ADAM10: variants seen among roughly 807,000 people sequenced by gnomAD.
ADAM10 encodes the protein ADAM metallopeptidase domain 10.
In ADAM10, 17 loss-of-function variants were observed where a neutral mutation model predicts 90.1. The observed-to-expected ratio is 0.19, with a 90% CI of 0.13 to 0.28. The LOEUF is 0.28. Ranked by LOEUF, ADAM10 falls within the 10% of genes least tolerant of loss-of-function variation. The pLI is 1.00. For missense variants in ADAM10, 610 were observed against 914.3 expected, an observed-to-expected ratio of 0.67 and a Z score of 4.29; for synonymous variants, 310 against 298.6, an observed-to-expected ratio of 1.04 and a Z score of -0.40.
At chr15:58,683,879 A>AAAAAG in intron 2 of ADAM10, among the ~76,000 whole-genome samples, 1 of 144,538 alleles carries the variant, frequency 6.9e-6, no homozygotes, top group African/African-American at 2.5e-5. Flanking sequence ...AAAAAAAAAA[A>AAAAAG]AAAAGAGAAG....
rs146042391 is a variant in ADAM10 at position 58,736,799 on chromosome 15, T to C, written c.55+12681A>G. Among the ~76,000 whole-genome samples, 6 of 152,172 alleles carry C rather than the reference T, an allele frequency of 3.9e-5. 1 individual carries two copies. The East Asian group carries it at 1.2e-3, about 29-fold the overall frequency. ...TATGTAAAACTGCCAGAAGAATAACTAGATTGGATCTACGAGATAGAGAAA... is the reference window on the plus strand; with the variant it reads ...TATGTAAAACTGCCAGAAGAATAACCAGATTGGATCTACGAGATAGAGAAA... On this transcript the variant is annotated intron_variant, in intron 1 of 15. Coordinates refer to ENST00000260408, the MANE Select transcript of ADAM10 (RefSeq NM_001110.4).
chr15:58,627,384 C>T (rs1427643618), intron 10 of ADAM10, among the ~76,000 whole-genome samples: 1 of 152,100 alleles, frequency 6.6e-6, no homozygotes, highest in East Asian at 1.9e-4. Flanking sequence ...TCAAATGATG[C>T]ACTTAAAATT....
chr15:58,666,164 A>G (rs1476496870), intron 4 of ADAM10, among the ~76,000 whole-genome samples: 1 of 151,332 alleles, frequency 6.6e-6, no homozygotes, highest in African/African-American at 2.4e-5. Flanking sequence ...GTCTATCACC[A>G]GATATTCTTT....
At chr15:58,655,708 ATAGTATATATAT>A (rs1896800536) in intron 5 of ADAM10, among the ~76,000 whole-genome samples, 1 of 67,404 alleles carries the variant, frequency 1.5e-5, no homozygotes, top group African/African-American at 5.8e-5. Flanking sequence ...ATATATATAT[ATAGTATATATAT>A]ATATATATAT....
intron 4 of ADAM10, among the ~76,000 whole-genome samples, chr15:58,674,511 C>T (rs918295516): frequency 3.9e-5 from 6 of 152,290 alleles, no homozygotes; most frequent in Middle Eastern, 3.4e-3. Context: ...CTTTCTAAAA[C>T]AGTTTTCCTG....
intron 5 of ADAM10, among the ~76,000 whole-genome samples, chr15:58,661,988 A>G (rs1461167242): frequency 6.6e-6 from 1 of 152,134 alleles, no homozygotes; most frequent in Non-Finnish European, 1.5e-5. Flanking sequence ...GAACATACTA[A>G]TAATAGTTGT....
chr15:58,598,277 C>T (rs1223125803), intron 15 of ADAM10, among the ~76,000 whole-genome samples: 1 of 152,178 alleles, frequency 6.6e-6, no homozygotes, highest in Non-Finnish European at 1.5e-5. Context: ...AACCAACATA[C>T]ACATAAAATG....
chr15:58,602,994 A>G (rs1238451389), intron 14 of ADAM10, among the ~76,000 whole-genome samples: 1 of 152,238 alleles, frequency 6.6e-6, no homozygotes, highest in Non-Finnish European at 1.5e-5. Flanking sequence ...TTCTTAAAAC[A>G]ATGTGTAGAA....
chr15:58,681,937 A>G (rs1031492333), intron 3 of ADAM10, among the ~76,000 whole-genome samples: 1 of 152,212 alleles, frequency 6.6e-6, no homozygotes, highest in Non-Finnish European at 1.5e-5. Flanking sequence ...AAACTTTTGA[A>G]AACTCTAACA....
At chr15:58,628,473 C>T (rs956035465) in intron 9 of ADAM10, among the ~76,000 whole-genome samples, 7 of 152,140 alleles carry the variant, frequency 4.6e-5, no homozygotes, top group African/African-American at 1.7e-4. Flanking sequence ...CAAAATACTG[C>T]TTTGCCAAAT....
rs1341530294 is a variant in ADAM10 at position 58,596,646 on chromosome 15, T to C, written c.*901A>G. ...AATCATTTCATTGACATAATTTCTA[T>C]CAAAGCATGAATAAAATTTCACCTA... is the stretch of plus-strand genomic sequence containing the variant. On this transcript the variant is annotated 3_prime_UTR_variant, in exon 16 of 16. Coordinates refer to ENST00000260408, the MANE Select transcript of ADAM10 (RefSeq NM_001110.4). 1 of 152,418 alleles carries C rather than the reference T, an allele frequency of 6.6e-6. No homozygotes were observed. The highest frequency in any genetic ancestry group is 1.5e-5 in the Non-Finnish European group (1 of 68,014). 9.4% of individuals were successfully genotyped at this position (152,418 alleles called of 1,614,324 possible). A position where few individuals can be genotyped will look rare whatever the true frequency, so the allele number is the denominator to read the frequency against.
chr15:58,692,395 T>C (rs1385194238), intron 2 of ADAM10: 2 of 575,922 alleles, frequency 3.5e-6, no homozygotes, highest in Non-Finnish European at 7.0e-6. Flanking sequence ...CTCCTTGATC[T>C]TCTTTGTTTT....
chr15:58,684,674 C>A (rs941686608), intron 2 of ADAM10, among the ~76,000 whole-genome samples: 2 of 152,192 alleles, frequency 1.3e-5, no homozygotes, highest in Non-Finnish European at 2.9e-5. Context: ...TATAATAAAC[C>A]AGCAAGAGTA....
chr15:58,627,581 A>G, intron 10 of ADAM10, 119 bp downstream of exon 10: 1 of 824,934 alleles, frequency 1.2e-6, no homozygotes, highest in Non-Finnish European at 2.0e-6. Context: ...GGAATACAGC[A>G]AAGTGTTAGC....
intron 4 of ADAM10, among the ~76,000 whole-genome samples, chr15:58,669,886 G>GTA (rs1182961862): frequency 6.6e-6 from 1 of 152,092 alleles, no homozygotes; most frequent in Non-Finnish European, 1.5e-5. Flanking sequence ...AGTACATAAT[G>GTA]TATAATTGTG....
intron 8 of ADAM10, among the ~76,000 whole-genome samples, chr15:58,635,193 T>C (rs1896214723): frequency 1.4e-5 from 2 of 141,094 alleles, no homozygotes; most frequent in South Asian, 4.4e-4. Context: ...GAGAATGGCG[T>C]GAACCCAGGA....
intron 2 of ADAM10, chr15:58,691,598 G>T: frequency 2.1e-6 from 1 of 470,658 alleles, no homozygotes; most frequent in Non-Finnish European, 4.2e-6. Context: ...AGATTTTAGA[G>T]AATACCTCAT....
chr15:58,675,198 A>G (rs1897283723), intron 4 of ADAM10, among the ~76,000 whole-genome samples: 1 of 152,210 alleles, frequency 6.6e-6, no homozygotes, highest in Non-Finnish European at 1.5e-5. Context: ...AGGCAAATTC[A>G]ACCTCTCTGG....
Position 58,622,527 on chromosome 15 carries a change from G to C in ADAM10, c.1361-906C>G, listed in dbSNP as rs141425547. On this transcript the variant is annotated intron_variant, in intron 10 of 15. Transcript: ENST00000260408. ...TATGAAATGTCCCACATTCTATTTAGCTGATTGTAATACAATCAGTAGGTA... is the reference window on the plus strand; with the variant it reads ...TATGAAATGTCCCACATTCTATTTACCTGATTGTAATACAATCAGTAGGTA... Among the ~76,000 whole-genome samples, 899 of 152,238 alleles carry C rather than the reference G, an allele frequency of 5.9e-3. 9 individuals are homozygous for C. The highest frequency in any genetic ancestry group is 0.021 in the African/African-American group (865 of 41,550).
Sources: gnomAD v4.1 joint callset for allele counts (sites outside exome capture counted in the v4.1 genomes callset) on GRCh38, gnomAD v4.1.1 for gene constraint, MANE v1.5 for transcripts, NCBI Gene and HGNC (gene_info 2026-07-23, HGNC 2026-07-21) for gene names.